The following SLIT3 variants were observed in gnomAD, a reference collection of about 807,000 sequenced individuals.
SLIT3 encodes slit homolog 3 protein.
SLIT3 carries 68 observed loss-of-function variants against 184.0 expected under a neutral mutation model. The ratio of observed to expected loss-of-function variants is 0.37; its 90% confidence interval spans 0.30 to 0.45. SLIT3 has a LOEUF of 0.45. Among genes scored for constraint, SLIT3 ranks in the 20% least tolerant of loss-of-function variants. The probability of loss-of-function intolerance (pLI) is 1.00; values close to 1 mark genes in which losing one functional copy is unlikely to be tolerated. For missense variants in SLIT3, 1,707 were observed against 2,026.0 expected (o/e 0.84, Z 3.02); for synonymous variants, 831 against 828.6 (o/e 1.00, Z -0.05).
chr5:169,170,882 T>C (rs559751502), intron 4 of SLIT3, among the ~76,000 whole-genome samples: 26 of 152,058 alleles, frequency 1.7e-4, no homozygotes, highest in Admixed American at 3.3e-4. Flanking sequence ...ACCAATCAGG[T>C]GGCCCAATTA....
intron 4 of SLIT3, among the ~76,000 whole-genome samples, chr5:168,971,182 C>T (rs1460457000): frequency 6.6e-6 from 1 of 152,242 alleles, no homozygotes. Context: ...TTCAAGTGTG[C>T]ACCATCTAGT....
intron 4 of SLIT3, among the ~76,000 whole-genome samples, chr5:168,884,475 G>T (rs1453004886): frequency 8.2e-6 from 1 of 121,542 alleles, no homozygotes; most frequent in East Asian, 2.5e-4. Flanking sequence ...TTTTTTAAAA[G>T]AACACCCGAA....
chr5:168,986,577 A>T (rs1309773796), intron 4 of SLIT3, among the ~76,000 whole-genome samples: 1 of 152,088 alleles, frequency 6.6e-6, no homozygotes, highest in African/African-American at 2.4e-5. Flanking sequence ...CTCCTTTATC[A>T]TAACTTGCAT....
At chr5:168,739,725 C>T (rs571849786) in intron 20 of SLIT3, among the ~76,000 whole-genome samples, 14 of 152,306 alleles carry the variant, frequency 9.2e-5, no homozygotes, top group Non-Finnish European at 1.6e-4. Flanking sequence ...GGATTACAGG[C>T]GTGAGCCACC....
At chr5:169,137,138 C>T (rs1242471292) in intron 4 of SLIT3, among the ~76,000 whole-genome samples, 1 of 152,100 alleles carries the variant, frequency 6.6e-6, no homozygotes, top group Admixed American at 6.5e-5. Flanking sequence ...TGGAAGACTC[C>T]TTAGATTCAG....
chr5:168,729,320 G>A (rs1763226752), intron 20 of SLIT3, among the ~76,000 whole-genome samples: 1 of 152,012 alleles, frequency 6.6e-6, no homozygotes, highest in East Asian at 1.9e-4. Context: ...TTGCAAAAAG[G>A]ATATCTCTAT....
intron 4 of SLIT3, among the ~76,000 whole-genome samples, chr5:169,070,846 C>G (rs767720796): frequency 6.6e-6 from 1 of 150,988 alleles, no homozygotes; most frequent in Non-Finnish European, 1.5e-5. Flanking sequence ...AAAACAAAAG[C>G]CTGAAGCCCT....
intron 4 of SLIT3, among the ~76,000 whole-genome samples, chr5:169,090,842 A>G (rs953841554): frequency 2.6e-5 from 4 of 152,246 alleles, no homozygotes; most frequent in Non-Finnish European, 1.5e-5. Flanking sequence ...GAGGAAAGAC[A>G]GCCCTGTTCA....
Position 168,724,984 on chromosome 5 carries a change from C to T in SLIT3, c.2271-500G>A, listed in dbSNP as rs538480032. ...TTACCACAATTCCACACTTAGCTTCCGGAAGCTGTTGGGAGAACTGAGCCA... is the reference window on the plus strand; with the variant it reads ...TTACCACAATTCCACACTTAGCTTCTGGAAGCTGTTGGGAGAACTGAGCCA... On this transcript the variant is annotated intron_variant, in intron 20 of 35. Coordinates refer to ENST00000519560, the MANE Select transcript of SLIT3 (RefSeq NM_003062.4). 5.3e-5 allele frequency among the ~76,000 whole-genome samples: 8 copies of T among 152,244 alleles called. No individual in the cohort carries two copies. In the East Asian group the frequency reaches 5.8e-4, roughly 11 times the overall value.
Position 169,150,863 on chromosome 5 carries a change from C to T in SLIT3, c.413+42616G>A, listed in dbSNP as rs370974395. ...CCATTCTTAAAAACCCACCCTTACA[C>T]GTAGCTTGGGAATCAGCAATCTGAT... is the stretch of plus-strand genomic sequence containing the variant. On this transcript the variant is annotated intron_variant, in intron 4 of 35. Transcript: ENST00000519560. Among the ~76,000 whole-genome samples, 100 of 152,286 alleles carry T rather than the reference C, an allele frequency of 6.6e-4. 1 individual carries two copies. In the South Asian group the frequency reaches 0.019, roughly 29 times the overall value.
chr5:168,916,061 C>A (rs1210418860), intron 4 of SLIT3, among the ~76,000 whole-genome samples: 1 of 152,136 alleles, frequency 6.6e-6, no homozygotes, highest in African/African-American at 2.4e-5. Flanking sequence ...GTGGGGCATA[C>A]TGAAATATTT....
chr5:168,772,975 G>T (rs1755610533), intron 13 of SLIT3, 31 bp from the exon 14 acceptor site: 1 of 1,560,482 alleles, frequency 6.4e-7, no homozygotes, highest in Admixed American at 1.8e-5. Flanking sequence ...TTAATCAGGA[G>T]TGACCCACGG....
At chr5:168,902,919 G>A (rs1018316173) in intron 4 of SLIT3, among the ~76,000 whole-genome samples, 2 of 152,014 alleles carry the variant, frequency 1.3e-5, no homozygotes, top group Admixed American at 6.5e-5. Context: ...TGGGAATAGC[G>A]GCTGATTAGG....
chr5:169,248,082 C>T (rs540856831), intron 2 of SLIT3, among the ~76,000 whole-genome samples: 1 of 152,208 alleles, frequency 6.6e-6, no homozygotes, highest in East Asian at 1.9e-4. Context: ...CATCCCTCTA[C>T]CTAAGACCAC....
chr5:168,910,988 G>A (rs1327440038), intron 4 of SLIT3, among the ~76,000 whole-genome samples: 2 of 151,982 alleles, frequency 1.3e-5, no homozygotes, highest in Non-Finnish European at 2.9e-5. Flanking sequence ...TTAGACCTTA[G>A]AAATGGGGAG....
At chr5:169,128,906 C>G (rs976299199) in intron 4 of SLIT3, among the ~76,000 whole-genome samples, 5 of 152,048 alleles carry the variant, frequency 3.3e-5, no homozygotes, top group African/African-American at 1.2e-4. Context: ...CACTAAAAGG[C>G]GGCTTGTATT....
At chr5:169,053,753 T>C (rs1443949588) in intron 4 of SLIT3, among the ~76,000 whole-genome samples, 1 of 151,338 alleles carries the variant, frequency 6.6e-6, no homozygotes, top group East Asian at 2.0e-4. Flanking sequence ...CAAAAGATTA[T>C]GTTGTGGCCC....
chr5:168,695,436 T>C (rs1675122999), intron 28 of SLIT3, among the ~76,000 whole-genome samples: 1 of 152,146 alleles, frequency 6.6e-6, no homozygotes, highest in South Asian at 2.1e-4. Context: ...ATATGCTTAT[T>C]TGTATCATGG....
chr5:169,227,580 A>G (rs953408373), intron 3 of SLIT3, among the ~76,000 whole-genome samples: 1 of 152,086 alleles, frequency 6.6e-6, no homozygotes, highest in African/African-American at 2.4e-5. Flanking sequence ...GGCACGCACC[A>G]CCACACCCAG....
Sources: gnomAD v4.1 joint callset for allele counts (sites outside exome capture counted in the v4.1 genomes callset) on GRCh38, gnomAD v4.1.1 for gene constraint, MANE v1.5 for transcripts, NCBI Gene and HGNC (gene_info 2026-07-23, HGNC 2026-07-21) for gene names.